The following ZNF487 variants were observed in gnomAD, a reference collection of about 807,000 sequenced individuals.
ZNF487 encodes the protein KRAB domain only 1.
Under a neutral mutation model 3.0 loss-of-function variants are expected in ZNF487, and 4 were observed. That is an observed-to-expected ratio of 1.35 (90% CI 0.66 to 3.08). The LOEUF (loss-of-function observed/expected upper bound fraction) is 3.08. Ranked by LOEUF, ZNF487 falls within the 30% of genes most tolerant of loss-of-function variation. The pLI is 0.01. For synonymous variants in ZNF487, 55 were observed against 34.6 expected (o/e 1.59, Z -2.06); for missense variants, 146 against 98.7 (o/e 1.48, Z -2.03).
chr10:43,457,206 A>G (rs138381071), intron 1 of ZNF487, among the ~76,000 whole-genome samples: 101 of 152,102 alleles, frequency 6.6e-4, no homozygotes, highest in African/African-American at 2.4e-3. Context: ...AGATAGAGCC[A>G]CTGCACTCCA....
intron 1 of ZNF487, among the ~76,000 whole-genome samples, chr10:43,457,211 A>C (rs1259599138): frequency 1.3e-5 from 2 of 151,794 alleles, no homozygotes; most frequent in Non-Finnish European, 2.9e-5. Context: ...GAGCCACTGC[A>C]CTCCAGCCTG....
At chr10:43,496,026 C>T in the ZNF487 span, 279 of 533,448 alleles carry the variant, frequency 5.2e-4, no homozygotes, top group Non-Finnish European at 8.6e-4. Context: ...GGATCAGTGT[C>T]GCTCAAGGAC....
chr10:43,519,748 A>G, the ZNF487 span, among the ~76,000 whole-genome samples: 1 of 152,188 alleles, frequency 6.6e-6, no homozygotes, highest in African/African-American at 2.4e-5. Flanking sequence ...TTACAGCGTG[A>G]GCCACTGTGC....
chr10:43,438,892 G>A (rs1839476997), intron 1 of ZNF487, among the ~76,000 whole-genome samples: 1 of 151,968 alleles, frequency 6.6e-6, no homozygotes, highest in South Asian at 2.1e-4. Context: ...ACCAGCCTGA[G>A]CAACATAGCG....
the ZNF487 span, among the ~76,000 whole-genome samples, chr10:43,495,759 C>T: frequency 1.1e-3 from 168 of 152,110 alleles, 1 homozygote; most frequent in Middle Eastern, 3.4e-3. Flanking sequence ...TTTTATATCC[C>T]CAGAACATAA....
At chr10:43,438,205 A>C (rs1839454537) in intron 1 of ZNF487, among the ~76,000 whole-genome samples, 2 of 151,998 alleles carry the variant, frequency 1.3e-5, no homozygotes, top group South Asian at 4.1e-4. Flanking sequence ...ATATATTTTG[A>C]GGTGGAGTCT....
In ZNF487 at chr10:43,471,619, C is replaced by T. The variant is rs1840912094; in HGVS notation, c.-93-4102C>T. Among the ~76,000 whole-genome samples, 3 of 152,276 alleles carry T rather than the reference C, an allele frequency of 2.0e-5. No homozygotes were observed. The South Asian group carries it at 6.2e-4, about 32-fold the overall frequency. Reference sequence around the variant, plus strand: ...TTTATTGAGCAATGAAAATGGCTCTCAGCAGAGAGGGGAACTGGAAAGGGG... The same window carrying T: ...TTTATTGAGCAATGAAAATGGCTCTTAGCAGAGAGGGGAACTGGAAAGGGG... On this transcript the variant is annotated intron_variant, in intron 1 of 3. Transcript: ENST00000437590.
chr10:43,443,826 G>C (rs2132038126), intron 1 of ZNF487, among the ~76,000 whole-genome samples: 1 of 151,618 alleles, frequency 6.6e-6, no homozygotes, highest in South Asian at 2.1e-4. Flanking sequence ...ACCTAGTGGA[G>C]GAGTTGTCTT....
the ZNF487 span, among the ~76,000 whole-genome samples, chr10:43,509,527 A>G: frequency 6.6e-6 from 1 of 151,234 alleles, no homozygotes; most frequent in South Asian, 2.1e-4. Flanking sequence ...ACAAGGCCCC[A>G]CAACACGCCA....
the ZNF487 span, among the ~76,000 whole-genome samples, chr10:43,498,097 ATATTTTTTTTTTTTTTC>A: frequency 3.0e-4 from 3 of 10,048 alleles, no homozygotes; most frequent in African/African-American, 9.4e-4. Flanking sequence ...ATATATATAT[ATATTTTTTTTTTTTTTC>A]TTTTTTTTTT....
chr10:43,449,891 G>A (rs1216702270), intron 1 of ZNF487, among the ~76,000 whole-genome samples: 1 of 152,034 alleles, frequency 6.6e-6, no homozygotes, highest in African/African-American at 2.4e-5. Context: ...TGTTGGCCAG[G>A]CTGGTCTCGA....
the ZNF487 span, chr10:43,496,151 T>A: frequency 3.9e-6 from 2 of 518,418 alleles, no homozygotes; most frequent in Non-Finnish European, 8.0e-6. Flanking sequence ...GGGTAAGGAT[T>A]GCGTTTTATA....
the ZNF487 span, among the ~76,000 whole-genome samples, chr10:43,516,744 A>G: frequency 6.6e-6 from 1 of 152,170 alleles, no homozygotes; most frequent in Non-Finnish European, 1.5e-5. Context: ...CCCCACCCAG[A>G]TTAAAGGTGT....
At chr10:43,461,251 C>G (rs964856035) in intron 1 of ZNF487, among the ~76,000 whole-genome samples, 5 of 151,738 alleles carry the variant, frequency 3.3e-5, no homozygotes, top group African/African-American at 1.2e-4. Context: ...AGGTGATCTG[C>G]CTGCCTTGGC....
Position 43,437,150 on chromosome 10 carries a change from A to C in ZNF487, c.-206A>C, listed in dbSNP as rs1419020566. 1.0e-5 allele frequency: 3 copies of C among 286,964 alleles called. No homozygotes were observed. The highest frequency in any genetic ancestry group is 7.1e-5 in the African/African-American group (3 of 42,096). 17.8% of individuals were successfully genotyped at this position (286,964 alleles called of 1,614,324 possible). ...CAGTTTCCATGGTGAGATGGTCAAC[A>C]AGCCTGTAAGTTCCTCAGCTACGAC... On this transcript the variant is annotated 5_prime_UTR_variant, in exon 1 of 4. Transcript: ENST00000437590.
At chr10:43,443,639 G>A (rs1030985806) in intron 1 of ZNF487, among the ~76,000 whole-genome samples, 1 of 151,822 alleles carries the variant, frequency 6.6e-6, no homozygotes, top group Non-Finnish European at 1.5e-5. Context: ...CTCCCAAAGT[G>A]CTGGGATTAC....
chr10:43,521,148 T>C, the ZNF487 span, among the ~76,000 whole-genome samples: 2 of 152,188 alleles, frequency 1.3e-5, no homozygotes, highest in African/African-American at 2.4e-5. Flanking sequence ...ACTGAATTAA[T>C]GAATATTGAA....
chr10:43,454,964 T>G (rs1190944057), intron 1 of ZNF487, among the ~76,000 whole-genome samples: 1 of 148,348 alleles, frequency 6.7e-6, no homozygotes, highest in Non-Finnish European at 1.5e-5. Context: ...AAAAGTCCTT[T>G]AAGGGATACG....
the ZNF487 span, among the ~76,000 whole-genome samples, chr10:43,497,825 G>A: frequency 4.0e-4 from 61 of 151,366 alleles, no homozygotes; most frequent in Middle Eastern, 6.8e-3. Context: ...AAATTAGCTG[G>A]GCGTGGTGTC....
Sources: allele counts gnomAD v4.1 joint callset (sites outside exome capture counted in the v4.1 genomes callset), GRCh38; gene constraint gnomAD v4.1.1; transcripts MANE v1.5; gene names NCBI Gene and HGNC (gene_info 2026-07-23, HGNC 2026-07-21).